The following VPS13B variants were observed in gnomAD, a reference collection of about 807,000 sequenced individuals.
VPS13B encodes intermembrane lipid transfer protein VPS13B.
Under a neutral mutation model 426.4 loss-of-function variants are expected in VPS13B, and 285 were observed. The ratio of observed to expected loss-of-function variants is 0.67; its 90% CI spans 0.61 to 0.74. The LOEUF is 0.74. Among genes scored for constraint, VPS13B ranks in the 30% least tolerant of loss-of-function variants. The pLI, the probability that VPS13B is intolerant of heterozygous loss-of-function variation, is 0.00. For missense variants in VPS13B, 4,537 were observed against 4,782.6 expected, an observed-to-expected ratio of 0.95 and a Z score of 1.51; for synonymous variants, 1,676 against 1,676.4, an observed-to-expected ratio of 1.00 and a Z score of 0.01.
chr8:99,234,193 A>T, intron 17 of VPS13B: 1 of 778,680 alleles, frequency 1.3e-6, no homozygotes, highest in South Asian at 1.3e-5. Flanking sequence ...ATCTTGAAGG[A>T]ATAGTTCTCA....
intron 7 of VPS13B, 140 bp downstream of exon 7, chr8:99,116,014 C>T: frequency 1.1e-6 from 1 of 914,470 alleles, no homozygotes. Flanking sequence ...GGTTGTTTTA[C>T]ACTATTTTAA....
intron 7 of VPS13B, among the ~76,000 whole-genome samples, chr8:99,117,136 A>G (rs992613696): frequency 7.9e-5 from 12 of 152,182 alleles, no homozygotes; most frequent in Non-Finnish European, 1.8e-4. Context: ...CCCTAAGAGA[A>G]GGGCATTTAA....
chr8:99,394,059 T>A (rs1283534110), intron 21 of VPS13B, among the ~76,000 whole-genome samples: 1 of 152,144 alleles, frequency 6.6e-6, no homozygotes, highest in Admixed American at 6.6e-5. Context: ...TGTTGGTTTT[T>A]GTTTGTTTTT....
chr8:99,399,286 A>G (rs1290042029), intron 21 of VPS13B, among the ~76,000 whole-genome samples: 1 of 152,184 alleles, frequency 6.6e-6, no homozygotes, highest in Non-Finnish European at 1.5e-5. Flanking sequence ...TCAAGGGAAA[A>G]AAGTATTAGT....
chr8:99,020,726 C>T (rs183726824), intron 2 of VPS13B, among the ~76,000 whole-genome samples: 1 of 152,188 alleles, frequency 6.6e-6, no homozygotes, highest in East Asian at 1.9e-4. Context: ...GGTCTTGGTT[C>T]CTTTGTCAAA....
intron 54 of VPS13B, among the ~76,000 whole-genome samples, chr8:99,843,447 TC>T (rs375905453): frequency 2.6e-5 from 4 of 152,268 alleles, no homozygotes; most frequent in African/African-American, 9.6e-5. Flanking sequence ...AAGCAGTCAC[TC>T]CATCACCCTT....
At chr8:99,814,857 T>G (rs1813930472) in intron 44 of VPS13B, among the ~76,000 whole-genome samples, 1 of 152,186 alleles carries the variant, frequency 6.6e-6, no homozygotes, top group South Asian at 2.1e-4. Context: ...GCCCTTACTT[T>G]CTTTTTTATG....
chr8:99,207,210 A>G (rs1011263825), intron 17 of VPS13B, among the ~76,000 whole-genome samples: 1 of 152,114 alleles, frequency 6.6e-6, no homozygotes, highest in Non-Finnish European at 1.5e-5. Context: ...TATAGGTTTA[A>G]CCCATTTATG....
intron 34 of VPS13B, among the ~76,000 whole-genome samples, chr8:99,645,858 A>ATTGTAG (rs1829556823): frequency 4.6e-5 from 7 of 152,214 alleles, no homozygotes; most frequent in Non-Finnish European, 8.8e-5. Context: ...CTATCCAGAA[A>ATTGTAG]CACTTTATGT....
chr8:99,673,556 G>T (rs1321512145), intron 35 of VPS13B, among the ~76,000 whole-genome samples: 1 of 151,622 alleles, frequency 6.6e-6, no homozygotes, highest in Admixed American at 6.6e-5. Context: ...CTGGTTCTTT[G>T]TTTCTCTGAT....
chr8:99,097,072 T>C (rs1846467419), intron 4 of VPS13B, among the ~76,000 whole-genome samples: 1 of 152,176 alleles, frequency 6.6e-6, no homozygotes, highest in African/African-American at 2.4e-5. Context: ...CAAATTTCAT[T>C]GAGGAGAACT....
chr8:99,528,644 G>A (rs1404932158), intron 30 of VPS13B, among the ~76,000 whole-genome samples: 6 of 151,884 alleles, frequency 4.0e-5, no homozygotes, highest in African/African-American at 7.2e-5. Context: ...CTTTTTTCAT[G>A]GTCTCATTTT....
At chr8:99,569,814 A>G (rs1013612930) in intron 31 of VPS13B, among the ~76,000 whole-genome samples, 113 of 152,218 alleles carry the variant, frequency 7.4e-4, no homozygotes, top group African/African-American at 2.6e-3. Flanking sequence ...ATACCTCCCA[A>G]AGCTTACTAG....
intron 19 of VPS13B, among the ~76,000 whole-genome samples, chr8:99,275,624 T>C (rs1257434292): frequency 6.6e-6 from 1 of 152,166 alleles, no homozygotes; most frequent in Non-Finnish European, 1.5e-5. Flanking sequence ...GTTTTTACCT[T>C]CTGTAATTTT....
chr8:99,853,323 A>G (rs1563509328), intron 55 of VPS13B, 128 bp from the exon 56 acceptor site: 2 of 940,136 alleles, frequency 2.1e-6, no homozygotes. Context: ...TTGAGTTCTT[A>G]TTTGTTTCTT....
chr8:99,870,943 C>T, intron 60 of VPS13B, 56 bp downstream of exon 60: 3 of 1,561,158 alleles, frequency 1.9e-6, no homozygotes, highest in Middle Eastern at 1.7e-4. Flanking sequence ...GTTAATAGCT[C>T]CTGGCTTGCT....
chr8:99,635,072 CAT>C (rs1412303601), intron 33 of VPS13B, among the ~76,000 whole-genome samples: 12 of 151,926 alleles, frequency 7.9e-5, no homozygotes, highest in African/African-American at 2.9e-4. Context: ...ACTTCTAAAG[CAT>C]AGAGCTAGAA....
intron 19 of VPS13B, among the ~76,000 whole-genome samples, chr8:99,293,630 C>T (rs1270716458): frequency 5.4e-4 from 78 of 144,296 alleles, no homozygotes; most frequent in African/African-American, 1.2e-3. Context: ...AGAAAATTTT[C>T]GCAACCTACT....
intron 31 of VPS13B, among the ~76,000 whole-genome samples, chr8:99,558,693 AATG>A (rs1244040950): frequency 6.6e-6 from 1 of 152,090 alleles, no homozygotes; most frequent in Non-Finnish European, 1.5e-5. Context: ...GTTTGCTCAC[AATG>A]ATGGTTTCCA....
Sources: allele counts gnomAD v4.1 joint callset (sites outside exome capture counted in the v4.1 genomes callset), GRCh38; gene constraint gnomAD v4.1.1; transcripts MANE v1.5; gene names NCBI Gene and HGNC (gene_info 2026-07-23, HGNC 2026-07-21).